APOBR: variants seen among roughly 807,000 people sequenced by gnomAD.
APOBR encodes the protein apolipoprotein B receptor, also known as apoB-48R.
Under a neutral mutation model 88.5 loss-of-function variants are expected in APOBR, and 57 were observed. The observed-to-expected ratio is 0.64, with a 90% CI of 0.52 to 0.80. The LOEUF is 0.80. Among genes scored for constraint, APOBR ranks in the 30% least tolerant of loss-of-function variants. APOBR has a pLI of 0.00. For missense variants in APOBR, 1,443 were observed against 1,401.6 expected (o/e 1.03, Z -0.47); for synonymous variants, 588 against 572.7 (o/e 1.03, Z -0.38).
In APOBR at chr16:28,495,601, C is replaced by A; in HGVS notation, c.560C>A (p.Ala187Glu). Reference protein sequence around the residue: ...EQEEEEEEVRAREPGMARGAE... With the variant: ...EQEEEEEEVREREPGMARGAE... ...GAGGAGGAGGAGGAAGAGGTCAGGG[C>A]AAGAGAGCCAGGGATGGCCAGAGGG... is the stretch of plus-strand genomic sequence containing the variant. The change falls in exon 2 of 4, where the codon GCA (alanine) becomes GAA (glutamate). Residue 187 changes from alanine (A) to glutamate (E), a missense_variant. By Grantham distance (107) the Ala-to-Glu change is moderately radical. Transcript: ENST00000564831. 1 of 1,561,180 alleles carries A rather than the reference C, an allele frequency of 6.4e-7. No homozygotes were observed. Among genetic ancestry groups the A allele is most frequent in the Non-Finnish European group, 8.7e-7 (1 of 1,152,442 alleles).
rs1230475664 is a variant in APOBR at position 28,498,244 on chromosome 16, C to T, written c.3119C>T (p.Ser1040Leu). The T allele has an allele frequency of 1.2e-6, 2 of 1,607,680 alleles. No individual in the cohort carries two copies. The highest frequency in any genetic ancestry group is 1.3e-5 in the African/African-American group (1 of 74,808). Residue 1040 changes from serine to leucine, a missense_variant, in exon 3 of 4, where the codon TCA (serine) becomes TTA (leucine). By Grantham distance (145) the Ser-to-Leu change is moderately radical. Coordinates refer to ENST00000564831, the MANE Select transcript of APOBR (RefSeq NM_018690.4). ...CCCAACCCTCCTGAGGAGGAGCTGT[C>T]AGCTCCTGAGCAGAGACCCCTCCAG... is the stretch of plus-strand genomic sequence containing the variant. ...PAPNPPEEELSAPEQRPLQLE... is the reference protein window; with the variant it reads ...PAPNPPEEELLAPEQRPLQLE...
Position 28,495,150 on chromosome 16 carries a change from G to A in APOBR, c.109G>A (p.Val37Ile). Residue 37 changes from valine to isoleucine, a missense_variant, in exon 2 of 4, where the codon GTA becomes ATA. Transcript: ENST00000564831. ...CCTCCTGGGAGATGCAGTCCCCACTGTAGAGCGGGAGGCGCAGGCGGCTGA... is the reference window on the plus strand; with the variant it reads ...CCTCCTGGGAGATGCAGTCCCCACTATAGAGCGGGAGGCGCAGGCGGCTGA... ...SYLLGDAVPT[V>I]EREAQAAEEL... 3 of 1,565,948 alleles carry A rather than the reference G, an allele frequency of 1.9e-6. No individual in the cohort carries two copies. Among genetic ancestry groups the A allele is most frequent in the Non-Finnish European group, 1.7e-6 (2 of 1,158,774 alleles).
rs746759112 is a variant in APOBR, at chr16:28,496,052, CGGGATAGCCTCAGGCGGGGAGGCT to C, written c.1016_1039del (p.Ile339_Gly346del). Reference sequence around the variant, plus strand: ...GGACAGCCTCGGGAGGGGAGGAGGCCGGGATAGCCTCAGGCGGGGAGGCTGGGACAGCCTCAGGAGGGGAGGAGG... The same window carrying C: ...GGACAGCCTCGGGAGGGGAGGAGGCCGGGACAGCCTCAGGAGGGGAGGAGG... On this transcript the variant is annotated inframe_deletion, in exon 2 of 4. Coordinates refer to ENST00000564831, the MANE Select transcript of APOBR (RefSeq NM_018690.4). 3.2e-6 allele frequency: 5 copies of C among 1,552,178 alleles called. No individual in the cohort carries two copies. The highest frequency in any genetic ancestry group is 3.7e-5 in the Admixed American group (2 of 54,618).
rs149271 is a variant in APOBR, at chr16:28,495,551, A to G, written c.510A>G (p.Glu170=). Residue 170 remains glutamate (E), a synonymous_variant, in exon 2 of 4, where the codon GAA becomes GAG. Coordinates refer to ENST00000564831, the MANE Select transcript of APOBR (RefSeq NM_018690.4). The stretch of plus-strand genomic sequence containing the variant: ...CCCATGAGCAGGAAGTGAACAGAGA[A>G]GAGAGGCTGAGAAGCTGGGAACAGG... ...QESHEQEVNR[E]ERLRSWEQEE... 0.39 allele frequency: 607,589 copies of G among 1,565,908 alleles called. 122,226 individuals carry two copies. The highest frequency in any genetic ancestry group is 0.41 in the Non-Finnish European group (473,473 of 1,155,392).
At position 28,497,811 on chromosome 16, in the gene APOBR, G is replaced by A. The variant is rs532377382; in HGVS notation, c.2770G>A (p.Val924Met). The A allele has an allele frequency of 1.1e-5, 18 of 1,606,510 alleles. No individual in the cohort carries two copies. Among genetic ancestry groups the A allele is most frequent in the Middle Eastern group, 1.7e-4 (1 of 6,054 alleles). Residue 924 changes from valine (V) to methionine (M), a missense_variant, in exon 2 of 4, where the codon GTG (valine) becomes ATG (methionine). Coordinates refer to ENST00000564831, the MANE Select transcript of APOBR (RefSeq NM_018690.4). ...PRLLDAEGLM[V>M]TGGRRAEAKE... is the part of the protein sequence containing the mutation. ...GCTCCTTGATGCAGAGGGTCTCATG[G>A]TGACCGGGGGCCGGAGGGCAGAGGC...
In APOBR at chr16:28,496,676, CCTACTGGGCGT is replaced by C; in HGVS notation, c.1636_1646del (p.Leu546GlyfsTer16). On this transcript the variant is annotated frameshift_variant, in exon 2 of 4. Coordinates refer to ENST00000564831, the MANE Select transcript of APOBR (RefSeq NM_018690.4). LOFTEE classifies it high-confidence loss of function. ...GTGAGGCGGCCCAGACTAGCTGTGG[CCTACTGGGCGT>C]GGAATGGGGTGGCCTCACACACAGC... 6 of 1,605,872 alleles carry C rather than the reference CCTACTGGGCGT, an allele frequency of 3.7e-6. No homozygotes were observed. Among genetic ancestry groups the C allele is most frequent in the Non-Finnish European group, 3.4e-6 (4 of 1,176,234 alleles).
At position 28,495,670 on chromosome 16, in the gene APOBR, C is replaced by G. The variant is rs1160175571; in HGVS notation, c.629C>G (p.Ala210Gly). 3 of 1,541,632 alleles carry G rather than the reference C, an allele frequency of 1.9e-6. No individual in the cohort carries two copies. In the Admixed American group the frequency reaches 6.0e-5, roughly 31 times the overall value. Residue 210 changes from alanine (A) to glycine (G), a missense_variant, in exon 2 of 4, where the codon GCT (alanine) becomes GGT (glycine). Ala to Gly is a moderately conservative substitution (Grantham distance 60, BLOSUM62 0). Coordinates refer to ENST00000564831, the MANE Select transcript of APOBR (RefSeq NM_018690.4). The part of the protein sequence containing the change: ...WTWHGETEGK[A>G]GAVGPKAAGD... ...TGGCATGGGGAGACGGAGGGGAAGG[C>G]TGGTGCTGTTGGGCCAAAGGCGGCA...
rs747415299 is a variant in APOBR, at chr16:28,497,945, G to A, written c.2904G>A (p.Thr968=). ...CGGAGTCAGTCGGGGAAGCCGAGAC[G>A]GCTGAGGCCATGGGCAGTGCCAGAG... ...AAPESVGEAE[T]AEAMGSARGG... Residue 968 remains threonine, a synonymous_variant, in exon 2 of 4, where the codon ACG becomes ACA. Transcript: ENST00000564831. 15 of 1,612,848 alleles carry A rather than the reference G, an allele frequency of 9.3e-6. No homozygotes were observed. The highest frequency in any genetic ancestry group is 1.6e-4 in the Middle Eastern group (1 of 6,076).
chr16:28,498,416 G>A lies in APOBR; in HGVS notation c.3225-20G>A, dbSNP rs758050927. ...GGGCACCTGGGAACCTGTTCTCACG[G>A]GCCTGACTTCCGCCTCCAGGTTTGG... On this transcript the variant is annotated intron_variant, in intron 3 of 3. Transcript: ENST00000564831. The A allele has an allele frequency of 1.9e-6, 3 of 1,599,734 alleles. No individual in the cohort carries two copies. Among genetic ancestry groups the A allele is most frequent in the Non-Finnish European group, 2.6e-6 (3 of 1,173,460 alleles).
At position 28,495,552 on chromosome 16, in the gene APOBR, GA is replaced by G; in HGVS notation, c.512del (p.Glu171GlyfsTer3). On this transcript the variant is annotated frameshift_variant, in exon 2 of 4. Coordinates refer to ENST00000564831, the MANE Select transcript of APOBR (RefSeq NM_018690.4). LOFTEE classifies it high-confidence loss of function. Reference protein sequence around the residue: ...ESHEQEVNREERLRSWEQEEE... With the variant: ...ESHEQEVNREXRLRSWEQEEE... ...CCATGAGCAGGAAGTGAACAGAGAA[GA>G]GAGGCTGAGAAGCTGGGAACAGGAG... is the stretch of plus-strand genomic sequence containing the variant. 6.4e-7 allele frequency: 1 copy of G among 1,566,310 alleles called. No homozygotes were observed. Among genetic ancestry groups the G allele is most frequent in the Non-Finnish European group, 8.7e-7 (1 of 1,155,516 alleles).
In APOBR at chr16:28,498,858, G is replaced by A. The variant is rs763333184; in HGVS notation, c.*353G>A. On this transcript the variant is annotated 3_prime_UTR_variant, in exon 4 of 4. Coordinates refer to ENST00000564831, the MANE Select transcript of APOBR (RefSeq NM_018690.4). ...AGAGCTTTGGGAGGCCAAGGTGGGA[G>A]GATCGCTTGAGACCAGGAGTTCGAG... 1.0e-5 allele frequency: 6 copies of A among 573,906 alleles called. No individual in the cohort carries two copies. The highest frequency in any genetic ancestry group is 1.0e-4 in the South Asian group (6 of 59,256). 35.6% of individuals were successfully genotyped at this position (573,906 alleles called of 1,614,324 possible).
chr16:28,496,537 G>A lies in APOBR; in HGVS notation c.1496G>A (p.Gly499Glu), dbSNP rs552653838. The change falls in exon 2 of 4, where the codon GGG becomes GAG. Residue 499 changes from glycine to glutamate, a missense_variant. Transcript: ENST00000564831. ...VQAEEAQEER[G>E]SSRDPVAELP... The stretch of plus-strand genomic sequence containing the variant: ...GCAGAGGAGGCCCAGGAGGAGAGAG[G>A]GAGCAGCAGGGATCCAGTGGCTGAG... 5.2e-5 allele frequency: 81 copies of A among 1,567,318 alleles called. No homozygotes were observed. In the African/African-American group the frequency reaches 9.2e-4, roughly 18 times the overall value.
In APOBR at chr16:28,496,206, A is replaced by T; in HGVS notation, c.1165A>T (p.Thr389Ser). Residue 389 changes from threonine to serine, a missense_variant, in exon 2 of 4, where the codon ACA (threonine) becomes TCA (serine). By Grantham distance (58) the Thr-to-Ser change is moderately conservative. Coordinates refer to ENST00000564831, the MANE Select transcript of APOBR (RefSeq NM_018690.4). The stretch of plus-strand genomic sequence containing the variant: ...GGCTGACCTGCTGGGAGTCAGACAG[A>T]CAGAATATGGAGCAGTCCCAGGAGA... The part of the protein sequence containing the change: ...EEADLLGVRQ[T>S]EYGAVPGERL... 2 of 1,582,890 alleles carry T rather than the reference A, an allele frequency of 1.3e-6. No homozygotes were observed. The highest frequency in any genetic ancestry group is 1.2e-5 in the South Asian group (1 of 86,050).
In APOBR at chr16:28,496,511, G is replaced by A. The variant is rs2046394244; in HGVS notation, c.1470G>A (p.Gln490=). Residue 490 remains glutamine, a synonymous_variant, in exon 2 of 4, where the codon CAG becomes CAA. Transcript: ENST00000564831. The part of the protein sequence containing the change: ...ADRARMEELV[Q]AEEAQEERGS... ...GGGCCAGGATGGAAGAGCTGGTACA[G>A]GCAGAGGAGGCCCAGGAGGAGAGAG... The A allele has an allele frequency of 6.3e-7, 1 of 1,585,826 alleles. No homozygotes were observed. The highest frequency in any genetic ancestry group is 1.8e-5 in the Admixed American group (1 of 55,452).
At chr16:28,498,391 G>A (rs541395425) in intron 3 of APOBR, 42 bp downstream of exon 3, 34 of 1,597,442 alleles carry the variant, frequency 2.1e-5, no homozygotes, top group East Asian at 4.5e-5. Context: ...AAGAGACCGC[G>A]GGCACCTGGG....
In APOBR at chr16:28,495,555, A is replaced by G; in HGVS notation, c.514A>G (p.Arg172Gly). ...SHEQEVNREE[R>G]LRSWEQEEEE... Reference sequence around the variant, plus strand: ...TGAGCAGGAAGTGAACAGAGAAGAGAGGCTGAGAAGCTGGGAACAGGAGGA... The same window carrying G: ...TGAGCAGGAAGTGAACAGAGAAGAGGGGCTGAGAAGCTGGGAACAGGAGGA... Residue 172 changes from arginine (R) to glycine (G), a missense_variant, in exon 2 of 4, where the codon AGG becomes GGG. Transcript: ENST00000564831. 1.3e-6 allele frequency: 2 copies of G among 1,566,228 alleles called. No individual in the cohort carries two copies. Among genetic ancestry groups the G allele is most frequent in the Non-Finnish European group, 1.7e-6 (2 of 1,155,516 alleles).
chr16:28,498,223 AC>A lies in APOBR; in HGVS notation c.3101del (p.Pro1034LeufsTer25), dbSNP rs752595887. 1.6e-5 allele frequency: 25 copies of A among 1,606,922 alleles called. No individual in the cohort carries two copies. The highest frequency in any genetic ancestry group is 2.1e-5 in the Non-Finnish European group (25 of 1,178,194). On this transcript the variant is annotated frameshift_variant, in exon 3 of 4. Transcript: ENST00000564831. LOFTEE classifies it high-confidence loss of function. Reference sequence around the variant, plus strand: ...CAGCAGGAGGAGCCCCCAGCCCCCAACCCTCCTGAGGAGGAGCTGTCAGCTC... The same window carrying A: ...CAGCAGGAGGAGCCCCCAGCCCCCAACCTCCTGAGGAGGAGCTGTCAGCTC... Reference protein sequence around the residue: ...WEQQEEPPAPNPPEEELSAPE... With the variant: ...WEQQEEPPAPXPPEEELSAPE...
rs980109960 is a variant in APOBR at position 28,498,627 on chromosome 16, GTCTTGATGTATCAT to G, written c.*125_*138del. On this transcript the variant is annotated 3_prime_UTR_variant, in exon 4 of 4. Coordinates refer to ENST00000564831, the MANE Select transcript of APOBR (RefSeq NM_018690.4). Reference sequence around the variant, plus strand: ...TCCTCTCCACCCTCTGGGCCTCAGTGTCTTGATGTATCATTCATGGAGCAGGCAAAACCAGACGT... The same window carrying G: ...TCCTCTCCACCCTCTGGGCCTCAGTGTCATGGAGCAGGCAAAACCAGACGT... 2.6e-6 allele frequency: 3 copies of G among 1,138,328 alleles called. No individual in the cohort carries two copies. In the African/African-American group the frequency reaches 4.7e-5, roughly 18 times the overall value. The allele number at this position is 1,138,328 out of a possible 1,614,324, so 70.5% of individuals were successfully genotyped here.
In APOBR at chr16:28,495,770, G is replaced by C. The variant is rs1476023514; in HGVS notation, c.729G>C (p.Gly243=). Residue 243 remains glycine, a synonymous_variant, in exon 2 of 4, where the codon GGG becomes GGC. Transcript: ENST00000564831. ...AAACTGAGGAGCCTGGGGCCGAAGG[G>C]GCTGGGAAAGGAGAAGAGGTGGTAG... ...AGETEEPGAE[G]AGKGEEVVVV... The C allele has an allele frequency of 6.4e-7, 1 of 1,571,118 alleles. No homozygotes were observed. Among genetic ancestry groups the C allele is most frequent in the East Asian group, 2.3e-5 (1 of 43,328 alleles).
Sources: allele counts gnomAD v4.1 joint callset, GRCh38; gene constraint gnomAD v4.1.1; transcripts MANE v1.5; gene names NCBI Gene and HGNC (gene_info 2026-07-23, HGNC 2026-07-21).